The following ZNF804B variants were observed in gnomAD, a reference collection of about 807,000 sequenced individuals.
The protein encoded by ZNF804B is zinc finger protein 804B, also known as zinc finger 804B.
Under a neutral mutation model 101.4 loss-of-function variants are expected in ZNF804B, and 80 were observed. The ratio of observed to expected loss-of-function variants is 0.79; its 90% CI spans 0.66 to 0.95. The LOEUF (loss-of-function observed/expected upper bound fraction) is 0.95, where lower values mean the gene tolerates loss of function less well. Ranked by LOEUF, ZNF804B falls within the 40% of genes least tolerant of loss-of-function variation. ZNF804B has a pLI of 0.00. For synonymous variants in ZNF804B, 622 were observed against 558.8 expected (o/e 1.11, Z -1.59); for missense variants, 1,673 against 1,561.9 (o/e 1.07, Z -1.20).
At chr7:89,158,991 A>G (rs1484131986) in intron 1 of ZNF804B, among the ~76,000 whole-genome samples, 1 of 152,120 alleles carries the variant, frequency 6.6e-6, no homozygotes. Context: ...GAATAACTTG[A>G]GGAATTTTAA....
chr7:89,016,687 A>C (rs1309112908), intron 1 of ZNF804B, among the ~76,000 whole-genome samples: 1 of 151,902 alleles, frequency 6.6e-6, no homozygotes, highest in East Asian at 1.9e-4. Context: ...GTTCTGTTCC[A>C]TTGATTTATA....
intron 1 of ZNF804B, among the ~76,000 whole-genome samples, chr7:89,021,555 G>A (rs985765918): frequency 1.3e-5 from 2 of 152,152 alleles, no homozygotes; most frequent in Non-Finnish European, 2.9e-5. Flanking sequence ...GTCACACTCT[G>A]GGCACAGGTA....
At chr7:89,048,588 A>C (rs1247057684) in intron 1 of ZNF804B, among the ~76,000 whole-genome samples, 2 of 151,908 alleles carry the variant, frequency 1.3e-5, no homozygotes, top group Non-Finnish European at 2.9e-5. Flanking sequence ...CATTAAAAAT[A>C]ATAAAAAGCC....
intron 1 of ZNF804B, among the ~76,000 whole-genome samples, chr7:88,829,432 C>T (rs1791099208): frequency 1.3e-5 from 2 of 151,994 alleles, no homozygotes; most frequent in Admixed American, 1.3e-4. Flanking sequence ...ATTAATAAAT[C>T]ATAAAGCTCA....
intron 1 of ZNF804B, among the ~76,000 whole-genome samples, chr7:88,819,627 T>C (rs930016512): frequency 2.6e-5 from 4 of 152,184 alleles, no homozygotes; most frequent in Admixed American, 6.5e-5. Context: ...GTGCTAAGTG[T>C]ATACACTTTT....
intron 2 of ZNF804B, among the ~76,000 whole-genome samples, chr7:89,244,149 C>A (rs1423982796): frequency 6.6e-6 from 1 of 151,734 alleles, no homozygotes; most frequent in Non-Finnish European, 1.5e-5. Context: ...AATCTAACAC[C>A]AAGTCTGCAC....
intron 1 of ZNF804B, among the ~76,000 whole-genome samples, chr7:89,135,825 A>G (rs537768123): frequency 2.2e-5 from 1 of 46,274 alleles, no homozygotes; most frequent in African/African-American, 1.4e-4. Flanking sequence ...TAGGCCTCTC[A>G]CTAGCTTAGA....
chr7:88,999,731 A>C (rs1788257450), intron 1 of ZNF804B, among the ~76,000 whole-genome samples: 2 of 152,060 alleles, frequency 1.3e-5, no homozygotes, highest in Non-Finnish European at 2.9e-5. Flanking sequence ...AGCTTATTTA[A>C]TTTTTAATAT....
intron 1 of ZNF804B, among the ~76,000 whole-genome samples, chr7:88,982,313 G>A (rs949736854): frequency 3.9e-5 from 6 of 152,024 alleles, no homozygotes; most frequent in African/African-American, 7.2e-5. Flanking sequence ...TTCTTGTAGA[G>A]TTCATCTTTG....
At position 89,335,780 on chromosome 7, in the gene ZNF804B, A is replaced by G; in HGVS notation, c.2798A>G (p.Gln933Arg). ...LTAKILLERV[Q>R]AKKCQEQSSN... The stretch of plus-strand genomic sequence containing the variant: ...GCAAAAATCCTTTTAGAAAGAGTAC[A>G]AGCCAAGAAATGTCAAGAACAATCA... Residue 933 changes from glutamine to arginine, a missense_variant, in exon 4 of 4, where the codon CAA becomes CGA. Physicochemically the swap from Gln to Arg is conservative, Grantham distance 43. Coordinates refer to ENST00000333190, the MANE Select transcript of ZNF804B (RefSeq NM_181646.5). The G allele has an allele frequency of 6.2e-7, 1 of 1,614,116 alleles. No homozygotes were observed. Among genetic ancestry groups the G allele is most frequent in the Non-Finnish European group, 8.5e-7 (1 of 1,179,978 alleles).
intron 1 of ZNF804B, among the ~76,000 whole-genome samples, chr7:88,760,456 T>G (rs1408156004): frequency 3.3e-5 from 5 of 152,246 alleles, no homozygotes; most frequent in African/African-American, 1.2e-4. Context: ...AATGTGCTTT[T>G]GTAAAGTCAT....
At chr7:89,267,275 C>G (rs898260980) in intron 2 of ZNF804B, among the ~76,000 whole-genome samples, 1 of 152,092 alleles carries the variant, frequency 6.6e-6, no homozygotes, top group Admixed American at 6.6e-5. Flanking sequence ...CTTGCTCTAT[C>G]CATTGTAATT....
chr7:89,246,235 A>G (rs1789443782), intron 2 of ZNF804B, among the ~76,000 whole-genome samples: 1 of 152,186 alleles, frequency 6.6e-6, no homozygotes, highest in Non-Finnish European at 1.5e-5. Flanking sequence ...AAGAGGAGAT[A>G]TATGACAGCT....
At chr7:89,144,454 A>AAAAATATTG (rs1790761243) in intron 1 of ZNF804B, among the ~76,000 whole-genome samples, 1 of 152,052 alleles carries the variant, frequency 6.6e-6, no homozygotes, top group Admixed American at 6.6e-5. Flanking sequence ...GCATAGAAAG[A>AAAAATATTG]AAAATATTGA....
chr7:89,238,580 C>T (rs565417243), intron 2 of ZNF804B, among the ~76,000 whole-genome samples: 1 of 152,276 alleles, frequency 6.6e-6, no homozygotes, highest in East Asian at 1.9e-4. Flanking sequence ...AGGATATTTT[C>T]TGTGGGGTGC....
At chr7:88,767,529 C>T (rs2718312) in intron 1 of ZNF804B, among the ~76,000 whole-genome samples, 62,718 of 152,096 alleles carry the variant, frequency 0.41, 15,350 homozygotes, top group African/African-American at 0.68. Context: ...TGCCATATTC[C>T]AAACAAAAAT....
intron 1 of ZNF804B, among the ~76,000 whole-genome samples, chr7:88,768,455 C>T (rs559210737): frequency 3.3e-5 from 5 of 152,300 alleles, no homozygotes; most frequent in East Asian, 1.9e-4. Context: ...CAGTGGCTCA[C>T]GCCTTTAATC....
At chr7:89,010,620 G>C (rs6465175) in intron 1 of ZNF804B, among the ~76,000 whole-genome samples, 78,578 of 151,924 alleles carry the variant, frequency 0.52, 21,348 homozygotes, top group Middle Eastern at 0.63. Flanking sequence ...GCACTACTCA[G>C]AAAGGCAAAT....
intron 1 of ZNF804B, among the ~76,000 whole-genome samples, chr7:89,073,804 TA>T (rs1789577677): frequency 1.3e-5 from 2 of 152,148 alleles, no homozygotes; most frequent in South Asian, 2.1e-4. Context: ...TAATTGTAAT[TA>T]AAAAATCCGC....
Sources: gnomAD v4.1 joint callset for allele counts (sites outside exome capture counted in the v4.1 genomes callset) on GRCh38, gnomAD v4.1.1 for gene constraint, MANE v1.5 for transcripts, NCBI Gene and HGNC (gene_info 2026-07-23, HGNC 2026-07-21) for gene names.